Variants in CACNA2D3 observed in about 807,000 individuals in gnomAD.
CACNA2D3 encodes the protein voltage-dependent calcium channel subunit alpha-2/delta-3.
CACNA2D3 carries 60 observed loss-of-function variants against 160.6 expected under a neutral mutation model. The observed-to-expected ratio is 0.37, with a 90% CI of 0.30 to 0.46. The LOEUF (loss-of-function observed/expected upper bound fraction) is 0.46, where lower values mean the gene tolerates loss of function less well. Ranked by LOEUF, CACNA2D3 falls within the 20% of genes least tolerant of loss-of-function variation. CACNA2D3 has a pLI of 1.00. For missense variants in CACNA2D3, 1,205 were observed against 1,365.0 expected (o/e 0.88, Z 1.85); for synonymous variants, 558 against 492.9 (o/e 1.13, Z -1.75).
intron 11 of CACNA2D3, among the ~76,000 whole-genome samples, chr3:54,739,454 C>CCA (rs371963374): frequency 1.1e-3 from 150 of 137,474 alleles, no homozygotes; most frequent in South Asian, 4.4e-3. Context: ...AAAAAAAAAA[C>CCA]CACACACACA....
At chr3:54,807,805 C>G (rs1371712947) in intron 13 of CACNA2D3, among the ~76,000 whole-genome samples, 2 of 151,414 alleles carry the variant, frequency 1.3e-5, no homozygotes, top group South Asian at 2.1e-4. Context: ...GGAACCAACC[C>G]AAATGTCCAA....
intron 11 of CACNA2D3, among the ~76,000 whole-genome samples, chr3:54,667,058 G>A (rs1267340908): frequency 1.3e-5 from 2 of 152,250 alleles, no homozygotes; most frequent in Middle Eastern, 3.4e-3. Context: ...CATGTTTTTA[G>A]CAGAAGCAGC....
intron 35 of CACNA2D3, among the ~76,000 whole-genome samples, chr3:55,066,670 G>A (rs1315688631): frequency 1.3e-5 from 2 of 152,166 alleles, no homozygotes; most frequent in Non-Finnish European, 2.9e-5. Flanking sequence ...TCCTCTGTCT[G>A]TAGTGAGTGG....
At chr3:54,314,994 G>A (rs141512559) in intron 2 of CACNA2D3, among the ~76,000 whole-genome samples, 5 of 152,252 alleles carry the variant, frequency 3.3e-5, no homozygotes, top group African/African-American at 7.2e-5. Flanking sequence ...CTGCTTTTAC[G>A]TGAAACAAAA....
At chr3:54,747,553 G>A (rs1701775433) in intron 11 of CACNA2D3, among the ~76,000 whole-genome samples, 1 of 152,116 alleles carries the variant, frequency 6.6e-6, no homozygotes, top group Non-Finnish European at 1.5e-5. Context: ...ATCAGCTCAT[G>A]TCAGACTTCT....
intron 24 of CACNA2D3, among the ~76,000 whole-genome samples, chr3:54,889,082 GA>G (rs1165261680): frequency 6.6e-6 from 1 of 152,188 alleles, no homozygotes; most frequent in Admixed American, 6.5e-5. Context: ...CTTGAGATGA[GA>G]AAGCATTTGA....
intron 13 of CACNA2D3, among the ~76,000 whole-genome samples, chr3:54,770,516 A>G (rs894141493): frequency 3.3e-5 from 5 of 152,240 alleles, no homozygotes; most frequent in African/African-American, 1.2e-4. Context: ...GCAAAATTAA[A>G]TGAGTGCTGG....
intron 27 of CACNA2D3, among the ~76,000 whole-genome samples, chr3:54,944,014 C>A (rs6804643): frequency 0.16 from 24,532 of 152,206 alleles, 2,458 homozygotes; most frequent in African/African-American, 0.29. Context: ...ATTTGACTGG[C>A]CATAGAATAC....
chr3:54,616,367 C>T (rs1698850616), intron 9 of CACNA2D3, among the ~76,000 whole-genome samples: 1 of 152,218 alleles, frequency 6.6e-6, no homozygotes, highest in African/African-American at 2.4e-5. Flanking sequence ...TCCATGGCAT[C>T]TCCCCAGGGC....
chr3:54,936,908 C>T (rs975662321), intron 27 of CACNA2D3, among the ~76,000 whole-genome samples: 2 of 152,082 alleles, frequency 1.3e-5, no homozygotes, highest in Non-Finnish European at 2.9e-5. Context: ...AAATAAACTC[C>T]GTGTATGCTC....
At chr3:54,642,600 A>G (rs1699546985) in intron 11 of CACNA2D3, among the ~76,000 whole-genome samples, 1 of 152,146 alleles carries the variant, frequency 6.6e-6, no homozygotes, top group African/African-American at 2.4e-5. Flanking sequence ...CAGTCATGGT[A>G]GCCCTGCAGG....
intron 14 of CACNA2D3, among the ~76,000 whole-genome samples, chr3:54,819,490 T>C (rs904596012): frequency 6.6e-6 from 1 of 152,116 alleles, no homozygotes; most frequent in Non-Finnish European, 1.5e-5. Context: ...TCAAGCCTAA[T>C]GAATAACTGG....
At chr3:54,193,427 T>C (rs1204225314) in intron 2 of CACNA2D3, among the ~76,000 whole-genome samples, 1 of 152,212 alleles carries the variant, frequency 6.6e-6, no homozygotes, top group South Asian at 2.1e-4. Flanking sequence ...GAGCTTCTCC[T>C]CTGTCTCTGA....
At chr3:54,990,393 T>C (rs1359125982) in intron 31 of CACNA2D3, among the ~76,000 whole-genome samples, 2 of 152,120 alleles carry the variant, frequency 1.3e-5, no homozygotes, top group Non-Finnish European at 2.9e-5. Context: ...TAGCTGGGCA[T>C]GGTGGTGTGT....
Position 54,879,044 on chromosome 3 carries a change from G to A in CACNA2D3, c.1737G>A (p.Lys579=). 1 of 1,606,270 alleles carries A rather than the reference G, an allele frequency of 6.2e-7. No individual in the cohort carries two copies. The highest frequency in any genetic ancestry group is 8.5e-7 in the Non-Finnish European group (1 of 1,177,198). The change falls in exon 19 of 38, where the codon AAG becomes AAA. Residue 579 remains lysine (K), a synonymous_variant. Coordinates refer to ENST00000474759, the MANE Select transcript of CACNA2D3 (RefSeq NM_018398.3). ...DVLRNAMVNR[K]TGKFSMEVKK... is the part of the protein sequence containing the mutation. ...TGAGAAATGCTATGGTGAATCGAAAGACGGGGAAGTTTTCCATGGAGGTGA... is the reference window on the plus strand; with the variant it reads ...TGAGAAATGCTATGGTGAATCGAAAAACGGGGAAGTTTTCCATGGAGGTGA...
intron 27 of CACNA2D3, among the ~76,000 whole-genome samples, chr3:54,930,576 G>T (rs899690793): frequency 6.6e-6 from 1 of 152,202 alleles, no homozygotes; most frequent in Admixed American, 6.5e-5. Context: ...CAAGACCCTG[G>T]CAGAGAACCA....
intron 2 of CACNA2D3, among the ~76,000 whole-genome samples, chr3:54,160,314 C>A (rs867773160): frequency 6.6e-6 from 1 of 152,192 alleles, no homozygotes; most frequent in African/African-American, 2.4e-5. Flanking sequence ...GCCTGGCCAA[C>A]ATGGCAAAAC....
chr3:54,766,316 A>G (rs1221117616), intron 13 of CACNA2D3, among the ~76,000 whole-genome samples: 1 of 152,218 alleles, frequency 6.6e-6, no homozygotes, highest in Non-Finnish European at 1.5e-5. Context: ...GAACAAAATG[A>G]GCAAAAAAGT....
At chr3:54,426,148 G>C (rs1320362566) in intron 4 of CACNA2D3, among the ~76,000 whole-genome samples, 1 of 152,078 alleles carries the variant, frequency 6.6e-6, no homozygotes, top group Non-Finnish European at 1.5e-5. Flanking sequence ...AGAGGGGAGG[G>C]GCCCCTCTGT....
Sources: allele counts gnomAD v4.1 joint callset (sites outside exome capture counted in the v4.1 genomes callset), GRCh38; gene constraint gnomAD v4.1.1; transcripts MANE v1.5; gene names NCBI Gene and HGNC (gene_info 2026-07-23, HGNC 2026-07-21).